Variants in RHBDL2 observed in about 807,000 individuals in gnomAD.
The protein encoded by RHBDL2 is rhomboid like 2.
Under a neutral mutation model 31.7 loss-of-function variants are expected in RHBDL2, and 26 were observed. The observed-to-expected ratio is 0.82, with a 90% CI of 0.60 to 1.14. The LOEUF (loss-of-function observed/expected upper bound fraction) is 1.14, where lower values mean the gene tolerates loss of function less well. Among genes scored for constraint, RHBDL2 ranks in the 50% most tolerant of loss-of-function variants. The probability of loss-of-function intolerance (pLI) is 0.00; values close to 1 mark genes in which losing one functional copy is unlikely to be tolerated. For synonymous variants in RHBDL2, 123 were observed against 127.2 expected (o/e 0.97, Z 0.22); for missense variants, 336 against 364.4 (o/e 0.92, Z 0.63).
chr1:38,937,338 T>C (rs1228107330), intron 1 of RHBDL2, among the ~76,000 whole-genome samples: 1 of 152,184 alleles, frequency 6.6e-6, no homozygotes, highest in Non-Finnish European at 1.5e-5. Context: ...TCTCTTTACT[T>C]GCTATCTCTC....
At chr1:38,918,267 G>A (rs1643264696) in intron 2 of RHBDL2, among the ~76,000 whole-genome samples, 1 of 152,114 alleles carries the variant, frequency 6.6e-6, no homozygotes, top group African/African-American at 2.4e-5. Flanking sequence ...AACTAAAAGG[G>A]TTACATTAGG....
At chr1:38,892,384 A>G (rs1642865632) in intron 6 of RHBDL2, among the ~76,000 whole-genome samples, 2 of 152,166 alleles carry the variant, frequency 1.3e-5, no homozygotes, top group African/African-American at 4.8e-5. Context: ...TATATAAAAT[A>G]TAAGTGAAGC....
intron 5 of RHBDL2, among the ~76,000 whole-genome samples, chr1:38,894,707 C>CTTTTTTTTTTTTTTTTT (rs71057159): frequency 2.6e-5 from 3 of 114,192 alleles, no homozygotes; most frequent in South Asian, 2.8e-4. Context: ...CTTTTTTTTT[C>CTTTTTTTTTTTTTTTTT]TTTTTTTTTT....
At chr1:38,913,144 A>G (rs923640083) in intron 3 of RHBDL2, among the ~76,000 whole-genome samples, 3 of 151,104 alleles carry the variant, frequency 2.0e-5, no homozygotes, top group African/African-American at 4.9e-5. Flanking sequence ...CACCACGCCC[A>G]GCTAATTTTT....
intron 4 of RHBDL2, among the ~76,000 whole-genome samples, chr1:38,896,569 C>T (rs1642920689): frequency 6.6e-6 from 1 of 152,068 alleles, no homozygotes; most frequent in African/African-American, 2.4e-5. Flanking sequence ...TTTGCATCAA[C>T]CTAATATTAT....
At chr1:38,892,807 C>A (rs530415494) in intron 6 of RHBDL2, among the ~76,000 whole-genome samples, 1 of 152,176 alleles carries the variant, frequency 6.6e-6, no homozygotes, top group Non-Finnish European at 1.5e-5. Context: ...GCCGAAACTA[C>A]CTGTTCTAAC....
At chr1:38,901,015 T>C (rs1260658585) in intron 4 of RHBDL2, among the ~76,000 whole-genome samples, 1 of 151,482 alleles carries the variant, frequency 6.6e-6, no homozygotes, top group Admixed American at 6.6e-5. Context: ...ATCACTGCAC[T>C]CCAATCTGGG....
chr1:38,924,436 T>C (rs1570937834), intron 1 of RHBDL2, among the ~76,000 whole-genome samples: 1 of 151,744 alleles, frequency 6.6e-6, no homozygotes, highest in Non-Finnish European at 1.5e-5. Context: ...CCACTAAAAA[T>C]ACAAAAAATT....
intron 4 of RHBDL2, among the ~76,000 whole-genome samples, chr1:38,907,846 A>G (rs1406482693): frequency 6.6e-6 from 1 of 152,240 alleles, no homozygotes; most frequent in Non-Finnish European, 1.5e-5. Flanking sequence ...TTTTTAAGAC[A>G]TAACCCCAAA....
rs980296081 is a variant in RHBDL2 at position 38,904,609 on chromosome 1, C to T, written c.508+6713G>A. Among the ~76,000 whole-genome samples, 224 of 151,644 alleles carry T rather than the reference C, an allele frequency of 1.5e-3. 1 individual carries two copies. The highest frequency in any genetic ancestry group is 5.0e-3 in the African/African-American group (206 of 41,444). ...TTTGGGAGGCCAGTGCAGACGATCA[C>T]TTGAGCTCAGGAGTTTGAGACTAGT... On this transcript the variant is annotated intron_variant, in intron 4 of 7. Coordinates refer to ENST00000372990, the MANE Select transcript of RHBDL2 (RefSeq NM_017821.5).
intron 4 of RHBDL2, among the ~76,000 whole-genome samples, chr1:38,907,083 C>G (rs1228056621): frequency 6.6e-6 from 1 of 152,058 alleles, no homozygotes; most frequent in East Asian, 1.9e-4. Context: ...TAAAAAGAAC[C>G]CAGAATAGCC....
chr1:38,928,231 T>A (rs1330579428), intron 1 of RHBDL2, among the ~76,000 whole-genome samples: 2 of 141,962 alleles, frequency 1.4e-5, no homozygotes, highest in South Asian at 2.3e-4. Context: ...AACCTCCACC[T>A]CCCAGGTTCA....
At chr1:38,895,802 C>CA (rs959117020) in intron 5 of RHBDL2, among the ~76,000 whole-genome samples, 167 bp downstream of exon 5, 66 of 148,738 alleles carry the variant, frequency 4.4e-4, no homozygotes, top group Non-Finnish European at 3.7e-4. Flanking sequence ...GACTCTGTCT[C>CA]AAAAAAAAAG....
intron 1 of RHBDL2, among the ~76,000 whole-genome samples, chr1:38,934,685 C>T (rs946442639): frequency 6.9e-5 from 9 of 130,376 alleles, no homozygotes; most frequent in African/African-American, 2.3e-4. Flanking sequence ...TGGCTGGGCG[C>T]GGTGGCTCAC....
At chr1:38,936,104 C>T (rs1264052303) in intron 1 of RHBDL2, among the ~76,000 whole-genome samples, 2 of 151,914 alleles carry the variant, frequency 1.3e-5, no homozygotes, top group Non-Finnish European at 2.9e-5. Context: ...GGTCTTGTCA[C>T]ATTACCCAGG....
At chr1:38,917,315 C>A (rs1643252291) in intron 2 of RHBDL2, among the ~76,000 whole-genome samples, 1 of 152,120 alleles carries the variant, frequency 6.6e-6, no homozygotes, top group South Asian at 2.1e-4. Context: ...CTGCGCCCGG[C>A]CTACAGGAAC....
At chr1:38,929,503 G>A (rs1643416747) in intron 1 of RHBDL2, 5 of 1,289,440 alleles carry the variant, frequency 3.9e-6, no homozygotes, top group Non-Finnish European at 5.1e-6. Context: ...CGCTTGCCTA[G>A]CTGCATTCAA....
At chr1:38,931,268 T>C (rs951522928) in intron 1 of RHBDL2, among the ~76,000 whole-genome samples, 5 of 152,154 alleles carry the variant, frequency 3.3e-5, no homozygotes, top group African/African-American at 1.2e-4. Context: ...ACGCCTGTAA[T>C]CCTAGTACTT....
At chr1:38,910,766 T>TG (rs1553158927) in intron 4 of RHBDL2, among the ~76,000 whole-genome samples, 2 of 146,500 alleles carry the variant, frequency 1.4e-5, no homozygotes, top group Admixed American at 1.4e-4. Context: ...TTTTTTTTTT[T>TG]TTTTTTTGTT....
Sources: gnomAD v4.1 joint callset for allele counts (sites outside exome capture counted in the v4.1 genomes callset) on GRCh38, gnomAD v4.1.1 for gene constraint, MANE v1.5 for transcripts, NCBI Gene and HGNC (gene_info 2026-07-23, HGNC 2026-07-21) for gene names.